Variants in CNPY3 observed in about 807,000 individuals in gnomAD.
CNPY3 encodes the protein canopy FGF signaling regulator 3.
A neutral mutation model predicts 32.0 loss-of-function variants in CNPY3; 20 were observed. The ratio of observed to expected loss-of-function variants is 0.63; its 90% CI spans 0.44 to 0.91. The LOEUF (loss-of-function observed/expected upper bound fraction) is 0.91, where lower values mean the gene tolerates loss of function less well. Ranked by LOEUF, CNPY3 falls within the 40% of genes least tolerant of loss-of-function variation. The pLI, the probability that CNPY3 is intolerant of heterozygous loss-of-function variation, is 0.00. For synonymous variants in CNPY3, 138 were observed against 142.9 expected, an observed-to-expected ratio of 0.97 and a Z score of 0.24; for missense variants, 299 against 340.8, an observed-to-expected ratio of 0.88 and a Z score of 0.97.
chr6:42,934,936 C>T (rs999937105), intron 2 of CNPY3, among the ~76,000 whole-genome samples: 1 of 152,192 alleles, frequency 6.6e-6, no homozygotes, highest in Non-Finnish European at 1.5e-5. Context: ...ATGATCTTTG[C>T]TCACTGCAAC....
chr6:42,933,314 G>A (rs1004141326), intron 1 of CNPY3, among the ~76,000 whole-genome samples: 1 of 152,148 alleles, frequency 6.6e-6, no homozygotes, highest in African/African-American at 2.4e-5. Flanking sequence ...ACCTTTATCT[G>A]CTGCATTAGA....
At chr6:42,934,678 A>G (rs1768089000) in intron 2 of CNPY3, 80 bp downstream of exon 2, 2 of 1,587,080 alleles carry the variant, frequency 1.3e-6, no homozygotes, top group South Asian at 2.2e-5. Flanking sequence ...TCTCCTAGCT[A>G]GGCAAACCCC....
rs1767607572 is a variant in CNPY3, at chr6:42,929,584, C to G, written c.14C>G (p.Pro5Arg). The G allele has an allele frequency of 1.9e-6, 3 of 1,577,188 alleles. No homozygotes were observed. Among genetic ancestry groups the G allele is most frequent in the South Asian group, 1.1e-5 (1 of 87,098 alleles). ...CCCGGCCGGGCCATGGATTCAATGC[C>G]TGAGCCCGCGTCCCGCTGTCTTCTG... MDSM[P>R]EPASRCLLLL... Residue 5 changes from proline to arginine, a missense_variant, in exon 1 of 6, where the codon CCT (proline) becomes CGT (arginine). Physicochemically the swap from Pro to Arg is moderately radical, Grantham distance 103. Transcript: ENST00000372836.
Position 42,938,864 on chromosome 6 carries a change from C to T in CNPY3, c.*73C>T. On this transcript the variant is annotated 3_prime_UTR_variant, in exon 6 of 6. Coordinates refer to ENST00000372836, the MANE Select transcript of CNPY3 (RefSeq NM_006586.5). ...GAGTCAGGGGCATGGCTCTGGCAGG[C>T]CGGGATGGCCCCGCAGCCTTCAGCC... 1.0e-5 allele frequency: 15 copies of T among 1,473,312 alleles called. No individual in the cohort carries two copies. Among genetic ancestry groups the T allele is most frequent in the Non-Finnish European group, 1.3e-5 (14 of 1,106,970 alleles). The allele number at this position is 1,473,312 out of a possible 1,614,324, so 91.3% of individuals were successfully genotyped here. A position where few individuals can be genotyped will look rare whatever the true frequency, so the allele number is the denominator to read the frequency against.
At chr6:42,934,073 G>A (rs567195800) in intron 1 of CNPY3, among the ~76,000 whole-genome samples, 1 of 151,988 alleles carries the variant, frequency 6.6e-6, no homozygotes, top group African/African-American at 2.4e-5. Flanking sequence ...GGAGGCTGAG[G>A]CAGGAGAATC....
At chr6:42,933,341 G>T (rs1180207698) in intron 1 of CNPY3, among the ~76,000 whole-genome samples, 2 of 152,162 alleles carry the variant, frequency 1.3e-5, no homozygotes, top group African/African-American at 4.8e-5. Context: ...ATCTGGAAGG[G>T]AGGGGACCTT....
chr6:42,932,141 A>G (rs1210178061), intron 1 of CNPY3, among the ~76,000 whole-genome samples: 1 of 152,192 alleles, frequency 6.6e-6, no homozygotes, highest in Non-Finnish European at 1.5e-5. Context: ...GGAAGCATAG[A>G]GATGCCCAGG....
rs143631764 is a variant in CNPY3 at position 42,930,026 on chromosome 6, G to A, written c.151+305G>A. ...GGTCTAGCCTGGAGTGGGGGAGGGG[G>A]TGGGCGAAGGCTGTGTGCAGAGGGG... On this transcript the variant is annotated intron_variant, in intron 1 of 5. Coordinates refer to ENST00000372836, the MANE Select transcript of CNPY3 (RefSeq NM_006586.5). Among the ~76,000 whole-genome samples the A allele has an allele frequency of 2.0e-5, 3 of 152,068 alleles. No individual in the cohort carries two copies. In the East Asian group the frequency reaches 5.8e-4, roughly 29 times the overall value.
At position 42,937,842 on chromosome 6, in the gene CNPY3, A is replaced by G; in HGVS notation, c.495+3A>G. On this transcript the variant is annotated splice_donor_region_variant and intron_variant, in intron 4 of 5. Transcript: ENST00000372836. ...AGGTGGCTGACCTCAAGAAGCAGGT[A>G]CAGGCCCTTCAGCCCTTGGAAGGGT... The G allele has an allele frequency of 6.2e-7, 1 of 1,614,110 alleles. No homozygotes were observed. Among genetic ancestry groups the G allele is most frequent in the South Asian group, 1.1e-5 (1 of 91,076 alleles).
chr6:42,937,876 C>T (rs777283335), intron 4 of CNPY3, 37 bp downstream of exon 4: 34 of 1,612,668 alleles, frequency 2.1e-5, no homozygotes, highest in Non-Finnish European at 2.6e-5. Context: ...GTTGCTGTGC[C>T]CAGTGAGGGG....
intron 1 of CNPY3, among the ~76,000 whole-genome samples, chr6:42,930,538 C>CAG (rs144576503): frequency 1.4e-4 from 21 of 150,328 alleles, no homozygotes; most frequent in South Asian, 4.2e-4. Flanking sequence ...TGAGGAACTA[C>CAG]AGAGAGAGAG....
chr6:42,928,266 C>T (rs1767518711), upstream of CNPY3, among the ~76,000 whole-genome samples: 1 of 152,062 alleles, frequency 6.6e-6, no homozygotes, highest in Non-Finnish European at 1.5e-5. Context: ...GAATTATAGG[C>T]GTGAGCCACC....
chr6:42,932,971 G>A (rs556510908), intron 1 of CNPY3, among the ~76,000 whole-genome samples: 49 of 152,238 alleles, frequency 3.2e-4, no homozygotes, highest in South Asian at 6.2e-4. Flanking sequence ...TTTATCGAGC[G>A]TCCAGCATAT....
rs79820671 is a variant in CNPY3 at position 42,932,493 on chromosome 6, C to T, written c.152-1982C>T. ...TGTGAGTCTGGTTCTGGGTGGGATC[C>T]GCAGAGGAGGTCTTGAAGAGGTAAT... On this transcript the variant is annotated intron_variant, in intron 1 of 5. Transcript: ENST00000372836. Among the ~76,000 whole-genome samples the T allele has an allele frequency of 2.2e-3, 329 of 152,104 alleles. 3 individuals carry two copies. The highest frequency in any genetic ancestry group is 7.7e-3 in the African/African-American group (320 of 41,490).
rs562587341 is a variant in CNPY3 at position 42,939,147 on chromosome 6, A to G, written c.*356A>G. ...ACTCACCATCCCTCAGTCCTCCCCA[A>G]CAGGGTACTAGGACTGCAGCCCCCT... On this transcript the variant is annotated 3_prime_UTR_variant, in exon 6 of 6. Transcript: ENST00000372836. 342 of 1,071,802 alleles carry G rather than the reference A, an allele frequency of 3.2e-4. 1 individual carries two copies. The African/African-American group carries it at 5.1e-3, about 16-fold the overall frequency. 66.4% of individuals were successfully genotyped at this position (1,071,802 alleles called of 1,614,324 possible).
intron 1 of CNPY3, among the ~76,000 whole-genome samples, chr6:42,930,044 C>T (rs1767681910): frequency 6.6e-6 from 1 of 151,878 alleles, no homozygotes. Flanking sequence ...AGGCTGTGTG[C>T]AGAGGGGAGT....
In CNPY3 at chr6:42,938,908, G is replaced by A. The variant is rs1338882159; in HGVS notation, c.*117G>A. On this transcript the variant is annotated 3_prime_UTR_variant, in exon 6 of 6. Transcript: ENST00000372836. Reference sequence around the variant, plus strand: ...TTCAGCCCCTCCTTGCCTTGGCTGTGCCCTCTTCTGCCAAGGAAAGACACA... The same window carrying A: ...TTCAGCCCCTCCTTGCCTTGGCTGTACCCTCTTCTGCCAAGGAAAGACACA... 2 of 1,436,252 alleles carry A rather than the reference G, an allele frequency of 1.4e-6. No homozygotes were observed. Among genetic ancestry groups the A allele is most frequent in the African/African-American group, 1.4e-5 (1 of 69,306 alleles). The allele number at this position is 1,436,252 out of a possible 1,614,324, so 89.0% of individuals were successfully genotyped here.
At position 42,938,474 on chromosome 6, in the gene CNPY3, GT is replaced by G. The variant is rs1225778023; in HGVS notation, c.614-92del. On this transcript the variant is annotated intron_variant, in intron 5 of 5. Coordinates refer to ENST00000372836, the MANE Select transcript of CNPY3 (RefSeq NM_006586.5). ...GAGGCTGATGTCAAGCACAGTCCCAGTTGCTACTCCCACGGCTCCCTGCTCA... is the reference window on the plus strand; with the variant it reads ...GAGGCTGATGTCAAGCACAGTCCCAGTGCTACTCCCACGGCTCCCTGCTCA... 16 of 1,223,888 alleles carry G rather than the reference GT, an allele frequency of 1.3e-5. No homozygotes were observed. In the Admixed American group the frequency reaches 2.7e-4, roughly 21 times the overall value. 75.8% of individuals were successfully genotyped at this position (1,223,888 alleles called of 1,614,324 possible).
intron 1 of CNPY3, among the ~76,000 whole-genome samples, chr6:42,930,300 ACTC>A (rs1562537885): frequency 1.3e-5 from 2 of 151,878 alleles, no homozygotes; most frequent in East Asian, 3.9e-4. Context: ...CCCACTAACA[ACTC>A]CTCGAAGGCA....
Sources: allele counts gnomAD v4.1 joint callset (sites outside exome capture counted in the v4.1 genomes callset), GRCh38; gene constraint gnomAD v4.1.1; transcripts MANE v1.5; gene names NCBI Gene and HGNC (gene_info 2026-07-23, HGNC 2026-07-21).